Variants in SUPT3H observed in about 807,000 individuals in gnomAD.
The protein encoded by SUPT3H is SPT3 homolog, SAGA and STAGA complex component.
SUPT3H carries 44 observed loss-of-function variants against 44.3 expected under a neutral mutation model. The observed-to-expected ratio is 0.99, with a 90% CI of 0.78 to 1.28. The LOEUF (loss-of-function observed/expected upper bound fraction) is 1.28. Among genes scored for constraint, SUPT3H ranks in the 50% most tolerant of loss-of-function variants. SUPT3H has a pLI of 0.00. For missense variants in SUPT3H, 380 were observed against 387.1 expected (o/e 0.98, Z 0.15); for synonymous variants, 124 against 125.6 (o/e 0.99, Z 0.09).
chr6:45,098,675 C>T, intron 3 of SUPT3H: 1 of 370,976 alleles, frequency 2.7e-6, no homozygotes, highest in South Asian at 2.2e-5. Context: ...CATGCCCCAT[C>T]TGGACCCATC....
chr6:45,302,588 T>A (rs1782332601), intron 2 of SUPT3H, among the ~76,000 whole-genome samples: 2 of 147,604 alleles, frequency 1.4e-5, no homozygotes, highest in African/African-American at 5.0e-5. Context: ...TACTTATTGA[T>A]TGATGGGCAT....
At chr6:44,848,030 G>A (rs1298995119) in intron 10 of SUPT3H, among the ~76,000 whole-genome samples, 2 of 122,222 alleles carry the variant, frequency 1.6e-5, no homozygotes, top group African/African-American at 6.3e-5. Context: ...GCAGTGGCAT[G>A]ATCTTGACTC....
intron 10 of SUPT3H, among the ~76,000 whole-genome samples, chr6:44,877,291 AC>A (rs1469511077): frequency 6.6e-6 from 1 of 151,992 alleles, no homozygotes; most frequent in Non-Finnish European, 1.5e-5. Flanking sequence ...ACATGGTGAA[AC>A]CCTGTCTCTA....
At chr6:45,315,000 T>C (rs1452742561) in intron 2 of SUPT3H, among the ~76,000 whole-genome samples, 6 of 152,158 alleles carry the variant, frequency 3.9e-5, no homozygotes, top group Admixed American at 2.6e-4. Flanking sequence ...TATAGCCAAC[T>C]GATCTTTGAC....
At chr6:45,284,579 C>T (rs535858617) in intron 2 of SUPT3H, among the ~76,000 whole-genome samples, 1 of 152,078 alleles carries the variant, frequency 6.6e-6, no homozygotes, top group Non-Finnish European at 1.5e-5. Flanking sequence ...CAATAACAGG[C>T]TCTGAAATAG....
intron 5 of SUPT3H, among the ~76,000 whole-genome samples, chr6:45,008,221 T>G (rs1470823303): frequency 1.3e-5 from 2 of 152,194 alleles, no homozygotes; most frequent in African/African-American, 4.8e-5. Flanking sequence ...TCTGGTTCAG[T>G]TGGTAAATCT....
In SUPT3H at chr6:45,135,709, G is replaced by A. The variant is rs533843115; in HGVS notation, c.102-29703C>T. Among the ~76,000 whole-genome samples, 4 of 152,290 alleles carry A rather than the reference G, an allele frequency of 2.6e-5. No homozygotes were observed. In the South Asian group the frequency reaches 8.3e-4, roughly 32 times the overall value. On this transcript the variant is annotated intron_variant, in intron 2 of 10. Coordinates refer to ENST00000371459, the MANE Select transcript of SUPT3H (RefSeq NM_003599.4). ...TGTGAGGTTATACCAAACTTTGGCAGTCTGTAATCCAAGAGGGCCTTCACC... is the reference window on the plus strand; with the variant it reads ...TGTGAGGTTATACCAAACTTTGGCAATCTGTAATCCAAGAGGGCCTTCACC...
At chr6:45,352,952 T>C (rs956705555) in intron 2 of SUPT3H, among the ~76,000 whole-genome samples, 1 of 152,082 alleles carries the variant, frequency 6.6e-6, no homozygotes, top group African/African-American at 2.4e-5. Context: ...ATTGAGGGAA[T>C]AGTTTGGCTG....
At chr6:45,263,022 C>T (rs1335476510) in intron 2 of SUPT3H, among the ~76,000 whole-genome samples, 3 of 152,060 alleles carry the variant, frequency 2.0e-5, no homozygotes, top group Non-Finnish European at 2.9e-5. Flanking sequence ...AAAAAGAAAG[C>T]TTACACACTG....
chr6:45,011,600 A>G (rs963583024), intron 5 of SUPT3H, among the ~76,000 whole-genome samples: 3 of 152,094 alleles, frequency 2.0e-5, no homozygotes, highest in African/African-American at 7.2e-5. Flanking sequence ...CAGACCCAAC[A>G]TAACAATTTT....
intron 2 of SUPT3H, among the ~76,000 whole-genome samples, chr6:45,332,179 A>C (rs1006447089): frequency 3.9e-5 from 6 of 151,902 alleles, no homozygotes; most frequent in African/African-American, 1.4e-4. Context: ...ACTGAGGCTG[A>C]GTTAAGACAT....
intron 9 of SUPT3H, among the ~76,000 whole-genome samples, chr6:44,947,979 T>C (rs1773627241): frequency 6.6e-6 from 1 of 151,962 alleles, no homozygotes; most frequent in African/African-American, 2.4e-5. Context: ...AAGAAAAAAA[T>C]TGTGTAAGGA....
intron 3 of SUPT3H, among the ~76,000 whole-genome samples, chr6:45,053,221 T>TA (rs1013379053): frequency 4.0e-5 from 6 of 151,078 alleles, no homozygotes; most frequent in African/African-American, 9.7e-5. Flanking sequence ...TTTTGCCTTT[T>TA]TTTTTTTGTG....
At chr6:45,047,832 C>T (rs1789640608) in intron 3 of SUPT3H, among the ~76,000 whole-genome samples, 1 of 151,996 alleles carries the variant, frequency 6.6e-6, no homozygotes, top group African/African-American at 2.4e-5. Context: ...ATTTGCATTT[C>T]TCTGATGATT....
At chr6:45,061,340 G>A (rs1339831853) in intron 3 of SUPT3H, among the ~76,000 whole-genome samples, 1 of 152,136 alleles carries the variant, frequency 6.6e-6, no homozygotes, top group Non-Finnish European at 1.5e-5. Context: ...GCAAACTAAT[G>A]TAGGAAGAGC....
chr6:44,937,118 T>G (rs1771566965), intron 9 of SUPT3H, among the ~76,000 whole-genome samples: 1 of 152,222 alleles, frequency 6.6e-6, no homozygotes, highest in African/African-American at 2.4e-5. Context: ...ATCTTTTTGA[T>G]GTAATGATTT....
intron 2 of SUPT3H, among the ~76,000 whole-genome samples, chr6:45,363,500 T>C (rs1362537060): frequency 2.0e-5 from 3 of 152,106 alleles, no homozygotes; most frequent in African/African-American, 7.2e-5. Flanking sequence ...AGTTTGAAAA[T>C]TCCCAAATTA....
At chr6:45,103,733 A>G (rs1798903738) in intron 3 of SUPT3H, among the ~76,000 whole-genome samples, 1 of 152,180 alleles carries the variant, frequency 6.6e-6, no homozygotes, top group African/African-American at 2.4e-5. Context: ...AACTTCCACG[A>G]ATTGATACCT....
At chr6:45,273,227 C>CA (rs1354143640) in intron 2 of SUPT3H, among the ~76,000 whole-genome samples, 8 of 152,178 alleles carry the variant, frequency 5.3e-5, no homozygotes. Flanking sequence ...GATAAGGCTA[C>CA]AAACAAGATA....
Sources: allele counts gnomAD v4.1 joint callset (sites outside exome capture counted in the v4.1 genomes callset), GRCh38; gene constraint gnomAD v4.1.1; transcripts MANE v1.5; gene names NCBI Gene and HGNC (gene_info 2026-07-23, HGNC 2026-07-21).